Variants in XPO1 observed in about 807,000 individuals in gnomAD.
The protein encoded by XPO1 is exportin-1.
In XPO1, 5 loss-of-function variants were observed where a neutral mutation model predicts 133.3. The ratio of observed to expected loss-of-function variants is 0.04; its 90% CI spans 0.02 to 0.08. XPO1 has a LOEUF of 0.08. Ranked by LOEUF, XPO1 falls within the 10% of genes least tolerant of loss-of-function variation. XPO1 has a pLI of 1.00. For missense variants in XPO1, 506 were observed against 1,267.5 expected, an observed-to-expected ratio of 0.40 and a Z score of 9.12; for synonymous variants, 419 against 408.2, an observed-to-expected ratio of 1.03 and a Z score of -0.32.
intron 4 of XPO1, among the ~76,000 whole-genome samples, chr2:61,521,916 C>T (rs1207472786): frequency 6.6e-6 from 1 of 151,832 alleles, no homozygotes; most frequent in African/African-American, 2.4e-5. Flanking sequence ...CACCAAAATA[C>T]CTGGCTAATT....
intron 3 of XPO1, 124 bp downstream of exon 3, chr2:61,526,296 A>T: frequency 6.9e-7 from 1 of 1,457,168 alleles, no homozygotes; most frequent in Non-Finnish European, 9.0e-7. Flanking sequence ...CTAAATTTTG[A>T]AACAAATTAA....
chr2:61,491,493 CACA>C (rs1558638209), intron 16 of XPO1, among the ~76,000 whole-genome samples: 6 of 133,502 alleles, frequency 4.5e-5, no homozygotes, highest in South Asian at 2.5e-4. Context: ...CACACACACA[CACA>C]CCCCAAAACA....
chr2:61,498,530 A>G (rs1282080239), intron 9 of XPO1, 143 bp downstream of exon 9: 4 of 992,648 alleles, frequency 4.0e-6, no homozygotes, highest in Non-Finnish European at 5.8e-6. Context: ...ACTAGGTGTG[A>G]ATATGGGAAA....
intron 4 of XPO1, among the ~76,000 whole-genome samples, chr2:61,519,093 G>A (rs1401094992): frequency 6.6e-6 from 1 of 152,118 alleles, no homozygotes; most frequent in Admixed American, 6.5e-5. Context: ...TGGGATTACA[G>A]GCATGTGCCA....
rs1558638203 is a variant in XPO1, at chr2:61,491,493, CA to C, written c.1887+541del. Among the ~76,000 whole-genome samples, 15 of 133,612 alleles carry C rather than the reference CA, an allele frequency of 1.1e-4. No individual in the cohort carries two copies. The East Asian group carries it at 2.2e-3, about 20-fold the overall frequency. 87.7% of individuals were successfully genotyped at this position (133,612 alleles called of 152,430 possible). A position where few individuals can be genotyped will look rare whatever the true frequency, so the allele number is the denominator to read the frequency against. On this transcript the variant is annotated intron_variant, in intron 16 of 24. Coordinates refer to ENST00000401558, the MANE Select transcript of XPO1 (RefSeq NM_003400.4). The stretch of plus-strand genomic sequence containing the variant: ...ACACACACACACACACACACACACA[CA>C]CACCCCAAAACAAAACAAAACAAAA...
intron 4 of XPO1, among the ~76,000 whole-genome samples, chr2:61,512,479 A>T (rs1418369528): frequency 6.6e-6 from 1 of 152,224 alleles, no homozygotes; most frequent in Admixed American, 6.5e-5. Flanking sequence ...GTGTTTTCTC[A>T]CAACAGGAAG....
chr2:61,488,561 A>G lies in XPO1; in HGVS notation c.2206+27T>C, dbSNP rs537372544. 3.1e-5 allele frequency: 50 copies of G among 1,605,120 alleles called. No homozygotes were observed. The East Asian group carries it at 1.0e-3, about 33-fold the overall frequency. On this transcript the variant is annotated intron_variant, in intron 18 of 24. Transcript: ENST00000401558. Reference sequence around the variant, plus strand: ...AAGAGAAGTGGTTTGTTTATACTGCATTGTGTAAGAAATCAGAATCACCTA... The same window carrying G: ...AAGAGAAGTGGTTTGTTTATACTGCGTTGTGTAAGAAATCAGAATCACCTA...
chr2:61,504,910 C>T (rs555071214), intron 4 of XPO1, among the ~76,000 whole-genome samples: 32 of 152,166 alleles, frequency 2.1e-4, no homozygotes, highest in African/African-American at 4.3e-4. Flanking sequence ...AGTAAAGCAA[C>T]GTAATACATG....
At chr2:61,486,869 T>C (rs952053729) in intron 19 of XPO1, among the ~76,000 whole-genome samples, 1 of 152,102 alleles carries the variant, frequency 6.6e-6, no homozygotes, top group Non-Finnish European at 1.5e-5. Context: ...TGAGCTGGGG[T>C]GATTCGCCTG....
chr2:61,529,598 G>A (rs1463044010), intron 2 of XPO1, among the ~76,000 whole-genome samples: 2 of 151,296 alleles, frequency 1.3e-5, no homozygotes, highest in Non-Finnish European at 2.9e-5. Context: ...GAAGGCGGAG[G>A]TTGCAGTGAT....
chr2:61,514,526 G>A (rs1241015953), intron 4 of XPO1, among the ~76,000 whole-genome samples: 1 of 150,926 alleles, frequency 6.6e-6, no homozygotes, highest in Non-Finnish European at 1.5e-5. Context: ...CCGGGAAACA[G>A]AGGTTGCAGT....
intron 19 of XPO1, among the ~76,000 whole-genome samples, chr2:61,486,775 CAATT>C (rs945661638): frequency 8.5e-5 from 13 of 152,110 alleles, no homozygotes; most frequent in African/African-American, 3.1e-4. Context: ...TAACATCAAT[CAATT>C]ACTCTCAGAA....
intron 6 of XPO1, among the ~76,000 whole-genome samples, 197 bp downstream of exon 6, chr2:61,501,799 T>C (rs1295955717): frequency 2.0e-5 from 3 of 151,520 alleles, no homozygotes; most frequent in Non-Finnish European, 4.4e-5. Context: ...ACATAAATGA[T>C]GGCTTTAACG....
At chr2:61,479,804 C>T (rs1371419065) in intron 24 of XPO1, among the ~76,000 whole-genome samples, 1 of 152,170 alleles carries the variant, frequency 6.6e-6, no homozygotes, top group Non-Finnish European at 1.5e-5. Context: ...CTCAGACAAT[C>T]CACCTGTCTC....
intron 21 of XPO1, 138 bp from the exon 22 acceptor site, chr2:61,483,229 A>G (rs1452146993): frequency 1.2e-6 from 1 of 866,038 alleles, no homozygotes; most frequent in Non-Finnish European, 1.7e-6. Flanking sequence ...TTACTTGCAT[A>G]AGGTTTCTTA....
At position 61,495,582 on chromosome 2, in the gene XPO1, G is replaced by C. The variant is rs1264718174; in HGVS notation, c.920C>G (p.Ala307Gly). ...MLPLNTNIRL[A>G]YSNGKDDEQN... ...TTCATCATCTTTTCCATTTGAGTAC[G>C]CAAGTCGAATATTGGTATTTAAAGG... is the stretch of plus-strand genomic sequence containing the variant. The change falls in exon 11 of 25, where the codon GCG becomes GGG. Residue 307 changes from alanine to glycine, a missense_variant. Coordinates refer to ENST00000401558, the MANE Select transcript of XPO1 (RefSeq NM_003400.4). The C allele has an allele frequency of 6.3e-7, 1 of 1,588,566 alleles. No homozygotes were observed. The highest frequency in any genetic ancestry group is 1.7e-5 in the Admixed American group (1 of 58,272).
intron 4 of XPO1, among the ~76,000 whole-genome samples, chr2:61,515,470 A>G (rs150391407): frequency 1.6e-3 from 241 of 152,300 alleles, no homozygotes; most frequent in African/African-American, 5.5e-3. Context: ...AAGGTTCAGG[A>G]TATTTTGAGA....
At chr2:61,493,335 T>C (rs887845093) in intron 12 of XPO1, 3 of 266,070 alleles carry the variant, frequency 1.1e-5, no homozygotes, top group Non-Finnish European at 1.4e-5. Context: ...TAAATATAAA[T>C]GAAGTAAAAC....
intron 3 of XPO1, 129 bp downstream of exon 3, chr2:61,526,291 T>C (rs1418563406): frequency 6.8e-7 from 1 of 1,464,986 alleles, no homozygotes; most frequent in Non-Finnish European, 8.9e-7. Context: ...TAAGACTAAA[T>C]TTTGAAACAA....
Sources: allele counts gnomAD v4.1 joint callset (sites outside exome capture counted in the v4.1 genomes callset), GRCh38; gene constraint gnomAD v4.1.1; transcripts MANE v1.5; gene names NCBI Gene and HGNC (gene_info 2026-07-23, HGNC 2026-07-21).